DSCAM: variants seen among roughly 807,000 people sequenced by gnomAD.
DSCAM encodes the protein DS cell adhesion molecule.
Under a neutral mutation model 217.7 loss-of-function variants are expected in DSCAM, and 47 were observed. That is an observed-to-expected ratio of 0.22 (90% CI 0.17 to 0.28). DSCAM has a LOEUF of 0.28. Ranked by LOEUF, DSCAM falls within the 10% of genes least tolerant of loss-of-function variation. The pLI is 1.00. For synonymous variants in DSCAM, 1,056 were observed against 1,015.3 expected (o/e 1.04, Z -0.76); for missense variants, 2,080 against 2,618.3 (o/e 0.79, Z 4.49).
intron 3 of DSCAM, among the ~76,000 whole-genome samples, chr21:40,380,669 T>C (rs1003409090): frequency 4.6e-5 from 7 of 152,152 alleles, no homozygotes; most frequent in African/African-American, 1.7e-4. Flanking sequence ...GAAGGGATTA[T>C]TCATGGATAA....
chr21:40,649,502 C>G (rs2837762), intron 3 of DSCAM, among the ~76,000 whole-genome samples: 61,944 of 152,116 alleles, frequency 0.41, 13,101 homozygotes, highest in East Asian at 0.63. Context: ...TTTAGCAACA[C>G]ATTATGCCAC....
chr21:40,056,511 A>AAT (rs2089026787), intron 28 of DSCAM, among the ~76,000 whole-genome samples: 1 of 152,054 alleles, frequency 6.6e-6, no homozygotes, highest in Admixed American at 6.6e-5. Context: ...GTAAAACTGC[A>AAT]TGGTAGAATC....
At chr21:40,801,099 C>T (rs1025502576) in intron 1 of DSCAM, among the ~76,000 whole-genome samples, 1 of 151,736 alleles carries the variant, frequency 6.6e-6, no homozygotes, top group African/African-American at 2.4e-5. Flanking sequence ...TTACAGGTGC[C>T]CACCCCTACA....
intron 3 of DSCAM, among the ~76,000 whole-genome samples, chr21:40,519,833 T>G (rs2076344148): frequency 6.9e-6 from 1 of 144,704 alleles, no homozygotes; most frequent in Non-Finnish European, 1.5e-5. Flanking sequence ...TCTGTCTCTC[T>G]CACTCTCTCT....
At chr21:40,086,264 G>A (rs1280026866) in intron 22 of DSCAM, among the ~76,000 whole-genome samples, 1 of 152,238 alleles carries the variant, frequency 6.6e-6, no homozygotes, top group Non-Finnish European at 1.5e-5. Flanking sequence ...GTTTACCCTA[G>A]TATAAAAAGA....
chr21:40,635,125 T>C (rs550514219), intron 3 of DSCAM, among the ~76,000 whole-genome samples: 3 of 151,756 alleles, frequency 2.0e-5, no homozygotes, highest in Admixed American at 1.3e-4. Context: ...GAGAGGTAGG[T>C]CACCATTCAA....
chr21:40,417,015 A>C (rs969390355), intron 3 of DSCAM, among the ~76,000 whole-genome samples: 2 of 152,182 alleles, frequency 1.3e-5, no homozygotes, highest in Non-Finnish European at 2.9e-5. Flanking sequence ...TCATCTGAAA[A>C]GGTGACATTG....
At chr21:40,328,840 A>T (rs1340156132) in intron 8 of DSCAM, among the ~76,000 whole-genome samples, 1 of 152,230 alleles carries the variant, frequency 6.6e-6, no homozygotes, top group Non-Finnish European at 1.5e-5. Context: ...AATGAATATT[A>T]AAAAATGGGC....
chr21:40,092,908 A>T (rs2089629518), intron 21 of DSCAM, among the ~76,000 whole-genome samples: 1 of 152,110 alleles, frequency 6.6e-6, no homozygotes, highest in South Asian at 2.1e-4. Context: ...CCTATTTCTT[A>T]ACTATCTCAT....
intron 9 of DSCAM, among the ~76,000 whole-genome samples, chr21:40,305,115 C>T (rs1344156251): frequency 1.3e-5 from 2 of 152,086 alleles, no homozygotes; most frequent in Non-Finnish European, 2.9e-5. Flanking sequence ...TGTGGCCGGG[C>T]ATGGTGGCTC....
chr21:40,413,763 G>C (rs193034828), intron 3 of DSCAM, among the ~76,000 whole-genome samples: 1 of 152,240 alleles, frequency 6.6e-6, no homozygotes, highest in Admixed American at 6.5e-5. Flanking sequence ...ATAAACATAG[G>C]GACCTAAGGA....
Position 40,680,464 on chromosome 21 carries a change from G to A in DSCAM, c.508+12346C>T, listed in dbSNP as rs371929541. Among the ~76,000 whole-genome samples, 3 of 152,332 alleles carry A rather than the reference G, an allele frequency of 2.0e-5. No individual in the cohort carries two copies. In the East Asian group the frequency reaches 5.8e-4, roughly 29 times the overall value. On this transcript the variant is annotated intron_variant, in intron 3 of 32. Transcript: ENST00000400454. ...GGGACCCAAAGCCAGGCTCCTCTGAGTGCAAACCCAAGCCCTGCTGTGCGC... is the reference window on the plus strand; with the variant it reads ...GGGACCCAAAGCCAGGCTCCTCTGAATGCAAACCCAAGCCCTGCTGTGCGC...
intron 11 of DSCAM, among the ~76,000 whole-genome samples, chr21:40,231,459 C>G (rs1337131341): frequency 6.6e-6 from 1 of 152,020 alleles, no homozygotes; most frequent in African/African-American, 2.4e-5. Flanking sequence ...CAATTCAGTT[C>G]TCTGTAAGAA....
rs557074707 is a variant in DSCAM at position 40,271,731 on chromosome 21, G to T, written c.2356+4366C>A. Among the ~76,000 whole-genome samples the T allele has an allele frequency of 1.6e-3, 240 of 152,236 alleles. 1 individual carries two copies. The highest frequency in any genetic ancestry group is 5.6e-3 in the African/African-American group (233 of 41,554). On this transcript the variant is annotated intron_variant, in intron 11 of 32. Coordinates refer to ENST00000400454, the MANE Select transcript of DSCAM (RefSeq NM_001389.5). ...TATTTTGCCCACAAGGAAATTCCTGGTGAGCTGTTAAAGCTTCCCCATGGC... is the reference window on the plus strand; with the variant it reads ...TATTTTGCCCACAAGGAAATTCCTGTTGAGCTGTTAAAGCTTCCCCATGGC...
chr21:40,392,673 G>A (rs2837610), intron 3 of DSCAM, among the ~76,000 whole-genome samples: 15,070 of 152,180 alleles, frequency 0.099, 1,094 homozygotes, highest in Admixed American at 0.24. Context: ...GAACGGTGAA[G>A]CCTCTGGGTC....
At chr21:40,423,051 C>G (rs567865452) in intron 3 of DSCAM, among the ~76,000 whole-genome samples, 37 of 152,268 alleles carry the variant, frequency 2.4e-4, no homozygotes, top group Middle Eastern at 3.4e-3. Context: ...GGTTGACAGG[C>G]TTGGATGTCT....
At chr21:40,766,625 T>G (rs1317561982) in intron 1 of DSCAM, among the ~76,000 whole-genome samples, 1 of 138,988 alleles carries the variant, frequency 7.2e-6, no homozygotes, top group Non-Finnish European at 1.5e-5. Flanking sequence ...TTCCAAGTTT[T>G]GGTCACCATC....
At chr21:40,109,474 A>T (rs1395863162) in intron 20 of DSCAM, among the ~76,000 whole-genome samples, 1 of 152,242 alleles carries the variant, frequency 6.6e-6, no homozygotes, top group African/African-American at 2.4e-5. Context: ...GCTCCAGTCT[A>T]CAGCTCCCAG....
intron 30 of DSCAM, among the ~76,000 whole-genome samples, chr21:40,049,747 T>C (rs1047734134): frequency 4.6e-5 from 7 of 152,170 alleles, no homozygotes; most frequent in Non-Finnish European, 1.5e-5. Flanking sequence ...GTCCCTCCCA[T>C]GTGCGTCCTG....
Sources: gnomAD v4.1 joint callset for allele counts (sites outside exome capture counted in the v4.1 genomes callset) on GRCh38, gnomAD v4.1.1 for gene constraint, MANE v1.5 for transcripts, NCBI Gene and HGNC (gene_info 2026-07-23, HGNC 2026-07-21) for gene names.